The following BAZ2B variants were observed in gnomAD, a reference collection of about 807,000 sequenced individuals.
The protein encoded by BAZ2B is bromodomain adjacent to zinc finger domain 2B.
BAZ2B carries 91 observed loss-of-function variants against 246.0 expected under a neutral mutation model. The observed-to-expected ratio is 0.37, with a 90% CI of 0.31 to 0.44. BAZ2B has a LOEUF of 0.44. Ranked by LOEUF, BAZ2B falls within the 20% of genes least tolerant of loss-of-function variation. The probability of loss-of-function intolerance (pLI) is 1.00; values close to 1 mark genes in which losing one functional copy is unlikely to be tolerated. For missense variants in BAZ2B, 2,332 were observed against 2,533.7 expected (o/e 0.92, Z 1.71); for synonymous variants, 855 against 860.0 (o/e 0.99, Z 0.10).
intron 1 of BAZ2B, among the ~76,000 whole-genome samples, chr2:159,570,071 T>C (rs1683583387): frequency 6.6e-6 from 1 of 152,170 alleles, no homozygotes; most frequent in African/African-American, 2.4e-5. Flanking sequence ...ACAATACCAG[T>C]GTAAGGAGAA....
chr2:159,598,741 C>T (rs563974859), intron 1 of BAZ2B, among the ~76,000 whole-genome samples: 2 of 152,192 alleles, frequency 1.3e-5, no homozygotes, highest in Admixed American at 1.3e-4. Flanking sequence ...GTAATCCCAG[C>T]TACTTGGGAG....
the BAZ2B span, chr2:159,711,995 AG>A: frequency 6.7e-6 from 1 of 150,150 alleles, no homozygotes; most frequent in Non-Finnish European, 1.5e-5. Context: ...TAGATCACAC[AG>A]GGCGGGCAGG....
chr2:159,397,637 A>G (rs973358306), intron 18 of BAZ2B, among the ~76,000 whole-genome samples: 3 of 152,186 alleles, frequency 2.0e-5, no homozygotes, highest in African/African-American at 7.2e-5. Context: ...TTCAGTAGTC[A>G]TTTTAACTTA....
intron 3 of BAZ2B, among the ~76,000 whole-genome samples, chr2:159,464,946 T>TA (rs2076865727): frequency 6.6e-6 from 1 of 152,238 alleles, no homozygotes; most frequent in Non-Finnish European, 1.5e-5. Flanking sequence ...TTTCAATACA[T>TA]AAGAAAGTCT....
At chr2:159,654,895 T>C in the BAZ2B span, among the ~76,000 whole-genome samples, 2 of 152,142 alleles carry the variant, frequency 1.3e-5, no homozygotes, top group African/African-American at 4.8e-5. Context: ...AGGCGGAAGC[T>C]ATAGTGAGCA....
chr2:159,325,627 A>G (rs1422916456), intron 35 of BAZ2B, 26 bp downstream of exon 35: 3 of 1,570,756 alleles, frequency 1.9e-6, no homozygotes, highest in African/African-American at 2.8e-5. Flanking sequence ...TTATAAATAT[A>G]CAGTGCATGA....
At chr2:159,532,476 A>T (rs1031767655) in intron 2 of BAZ2B, among the ~76,000 whole-genome samples, 1 of 152,208 alleles carries the variant, frequency 6.6e-6, no homozygotes, top group Non-Finnish European at 1.5e-5. Context: ...TTAAAACAAG[A>T]CTCATGGCCT....
the BAZ2B span, among the ~76,000 whole-genome samples, chr2:159,630,428 C>T: frequency 7.9e-5 from 12 of 152,290 alleles, no homozygotes; most frequent in African/African-American, 2.6e-4. Context: ...AGAATTATTC[C>T]AAGTGACTTT....
chr2:159,315,442 C>T (rs1261248078), downstream of BAZ2B, among the ~76,000 whole-genome samples: 4 of 152,136 alleles, frequency 2.6e-5, no homozygotes, highest in Non-Finnish European at 4.4e-5. Context: ...GCTGGGGCTC[C>T]GGTCATCTGA....
chr2:159,335,856 G>C (rs953938938), intron 33 of BAZ2B, among the ~76,000 whole-genome samples: 3 of 152,092 alleles, frequency 2.0e-5, no homozygotes, highest in Admixed American at 6.6e-5. Flanking sequence ...TTTAAAGCTA[G>C]TCTGTAATTC....
chr2:159,334,129 C>A (rs1329547717), intron 33 of BAZ2B, among the ~76,000 whole-genome samples: 2 of 152,076 alleles, frequency 1.3e-5, no homozygotes, highest in African/African-American at 4.8e-5. Context: ...AGTAAATACT[C>A]ATTGTTTTCT....
At chr2:159,406,794 T>G (rs891882604) in intron 14 of BAZ2B, among the ~76,000 whole-genome samples, 15 of 152,082 alleles carry the variant, frequency 9.9e-5, no homozygotes, top group Middle Eastern at 3.4e-3. Flanking sequence ...CTTGCTCTGT[T>G]CCCAGGCTGG....
chr2:159,505,067 T>C (rs1190388061), intron 2 of BAZ2B, among the ~76,000 whole-genome samples: 1 of 152,220 alleles, frequency 6.6e-6, no homozygotes, highest in Non-Finnish European at 1.5e-5. Context: ...AAATGACTTA[T>C]GCAATATCTT....
At chr2:159,366,151 T>C (rs145208888) in intron 27 of BAZ2B, among the ~76,000 whole-genome samples, 2 of 152,310 alleles carry the variant, frequency 1.3e-5, no homozygotes, top group East Asian at 3.9e-4. Flanking sequence ...ACTTCTCAGG[T>C]GCAGAAAACA....
At chr2:159,467,585 A>G (rs550107019) in intron 3 of BAZ2B, among the ~76,000 whole-genome samples, 1 of 152,312 alleles carries the variant, frequency 6.6e-6, no homozygotes, top group Non-Finnish European at 1.5e-5. Flanking sequence ...AGGAAAGATG[A>G]TATTTGGATT....
chr2:159,541,648 T>C (rs2086677465), intron 2 of BAZ2B, among the ~76,000 whole-genome samples: 1 of 152,214 alleles, frequency 6.6e-6, no homozygotes, highest in African/African-American at 2.4e-5. Context: ...TTCTGGTTGC[T>C]TATCTCAAAC....
chr2:159,495,749 A>C (rs1577763027), intron 2 of BAZ2B, among the ~76,000 whole-genome samples: 1 of 151,358 alleles, frequency 6.6e-6, no homozygotes, highest in South Asian at 2.1e-4. Flanking sequence ...AAAACTATAT[A>C]TACATTTTAA....
At chr2:159,462,866 G>A (rs2076583196) in intron 3 of BAZ2B, 1 of 1,602,220 alleles carries the variant, frequency 6.2e-7, no homozygotes, top group South Asian at 1.1e-5. Flanking sequence ...CTTTCACATA[G>A]GCTCTTAAAG....
chr2:159,453,614 T>A lies in BAZ2B; in HGVS notation c.333A>T (p.Pro111=), dbSNP rs897901587. The change falls in exon 4 of 37, where the codon CCA becomes CCT. Residue 111 remains proline (P), a splice_region_variant and synonymous_variant. Coordinates refer to ENST00000392783, the MANE Select transcript of BAZ2B (RefSeq NM_013450.4). ...LAAHPQLASF[P]GAEWWRTTDA... ...ACACTGTTTGTAACAGATGTTTACC[T>A]GGAAAAGATGCTAGTTGGGGATGTG... The A allele has an allele frequency of 6.2e-7, 1 of 1,600,204 alleles. No individual in the cohort carries two copies. Among genetic ancestry groups the A allele is most frequent in the African/African-American group, 1.3e-5 (1 of 74,612 alleles).
Sources: gnomAD v4.1 joint callset for allele counts (sites outside exome capture counted in the v4.1 genomes callset) on GRCh38, gnomAD v4.1.1 for gene constraint, MANE v1.5 for transcripts, NCBI Gene and HGNC (gene_info 2026-07-23, HGNC 2026-07-21) for gene names.